Variants in TRPM6 observed in about 807,000 individuals in gnomAD.
TRPM6 encodes transient receptor potential cation channel subfamily M member 6.
TRPM6 carries 111 observed loss-of-function variants against 247.6 expected under a neutral mutation model. That is an observed-to-expected ratio of 0.45 (90% confidence interval 0.38 to 0.52). TRPM6 has a LOEUF of 0.52. TRPM6 is among the 20% of genes least tolerant of loss of function. The pLI is 0.00. For missense variants in TRPM6, 2,126 were observed against 2,421.5 expected, an observed-to-expected ratio of 0.88 and a Z score of 2.56; for synonymous variants, 892 against 853.8, an observed-to-expected ratio of 1.04 and a Z score of -0.78.
At chr9:74,744,422 C>T (rs757598694) in intron 31 of TRPM6, among the ~76,000 whole-genome samples, 41 of 152,122 alleles carry the variant, frequency 2.7e-4, no homozygotes, top group South Asian at 6.2e-4. Context: ...GAATCAATTA[C>T]ACCTCTGGGT....
intron 24 of TRPM6, 75 bp downstream of exon 24, chr9:74,775,808 A>G (rs762955192): frequency 1.0e-4 from 147 of 1,476,426 alleles, no homozygotes; most frequent in Non-Finnish European, 1.3e-4. Context: ...AACTTAATTT[A>G]TAATACTCCA....
At chr9:74,732,617 T>C in intron 37 of TRPM6, 68 bp downstream of exon 37, 1 of 1,257,964 alleles carries the variant, frequency 7.9e-7, no homozygotes, top group Non-Finnish European at 1.1e-6. Context: ...TGTTTGTAAA[T>C]TATTTTTAAA....
intron 32 of TRPM6, 39 bp downstream of exon 32, chr9:74,744,056 T>G (rs775951126): frequency 3.6e-5 from 57 of 1,592,914 alleles, no homozygotes; most frequent in Non-Finnish European, 4.9e-5. Context: ...GCACAGACAT[T>G]TAGCTCAGCT....
intron 1 of TRPM6, among the ~76,000 whole-genome samples, chr9:74,874,017 C>T (rs1249915501): frequency 6.6e-6 from 1 of 152,018 alleles, no homozygotes; most frequent in Non-Finnish European, 1.5e-5. Flanking sequence ...AGGCAGATCA[C>T]CTGAGGTCAG....
chr9:74,764,007 G>T (rs1587481286), intron 25 of TRPM6, among the ~76,000 whole-genome samples: 1 of 151,966 alleles, frequency 6.6e-6, no homozygotes, highest in East Asian at 1.9e-4. Flanking sequence ...AAAATTAGCT[G>T]GGCATGGTGG....
At chr9:74,887,139 G>A (rs1831556691) in intron 1 of TRPM6, 4 of 754,054 alleles carry the variant, frequency 5.3e-6, no homozygotes, top group African/African-American at 3.6e-5. Flanking sequence ...TATGCCAGCG[G>A]TGGAGAGGAG....
intron 3 of TRPM6, 24 bp from the exon 4 acceptor site, chr9:74,842,367 A>G: frequency 6.2e-7 from 1 of 1,613,310 alleles, no homozygotes; most frequent in Non-Finnish European, 8.5e-7. Flanking sequence ...CCAAAAAAAA[A>G]CTCAACTTCA....
chr9:74,724,575 G>A lies in TRPM6; in HGVS notation c.*38C>T, dbSNP rs1362264717. ...CTATGTTATCACAGAGTTCCTGGCA[G>A]GCAGGGCAAGCACTGGGATCTTCTT... On this transcript the variant is annotated 3_prime_UTR_variant, in exon 39 of 39. Coordinates refer to ENST00000360774, the MANE Select transcript of TRPM6 (RefSeq NM_017662.5). The A allele has an allele frequency of 6.2e-7, 1 of 1,613,702 alleles. No homozygotes were observed. Among genetic ancestry groups the A allele is most frequent in the African/African-American group, 1.3e-5 (1 of 74,934 alleles).
At chr9:74,851,104 CT>C (rs35374500) in intron 3 of TRPM6, among the ~76,000 whole-genome samples, 44,398 of 151,560 alleles carry the variant, frequency 0.29, 7,667 homozygotes, top group East Asian at 0.5. Flanking sequence ...ACATTTTATT[CT>C]TTTTTTTTCT....
At chr9:74,804,759 A>T in intron 14 of TRPM6, 1 of 764,718 alleles carries the variant, frequency 1.3e-6, no homozygotes, top group Non-Finnish European at 2.3e-6. Flanking sequence ...AGAAGCAACC[A>T]CTGAATGGTC....
chr9:74,804,691 C>G (rs1828471530), intron 14 of TRPM6: 2 of 801,846 alleles, frequency 2.5e-6, no homozygotes, highest in South Asian at 1.3e-5. Flanking sequence ...GACTGGAGCT[C>G]TCAGCCTGCC....
chr9:74,779,003 G>T (rs1827324071), intron 23 of TRPM6, among the ~76,000 whole-genome samples: 1 of 152,136 alleles, frequency 6.6e-6, no homozygotes, highest in South Asian at 2.1e-4. Context: ...CTAAGATGCG[G>T]GGTGTGAGCC....
At chr9:74,819,090 T>C in intron 9 of TRPM6, among the ~76,000 whole-genome samples, 1 of 152,062 alleles carries the variant, frequency 6.6e-6, no homozygotes, top group East Asian at 1.9e-4. Flanking sequence ...GGCAGATCGC[T>C]TGAGGCCAGG....
At chr9:74,796,387 T>G (rs954780926) in intron 18 of TRPM6, among the ~76,000 whole-genome samples, 2 of 152,184 alleles carry the variant, frequency 1.3e-5, no homozygotes, top group Non-Finnish European at 2.9e-5. Context: ...TGGCCACAAA[T>G]GAGTCATTGA....
At chr9:74,740,470 G>A (rs549109705) in intron 33 of TRPM6, among the ~76,000 whole-genome samples, 40 of 152,286 alleles carry the variant, frequency 2.6e-4, no homozygotes, top group African/African-American at 9.6e-4. Flanking sequence ...AGGACCAGAA[G>A]TGTTTCAAAT....
rs1283495215 is a variant in TRPM6, at chr9:74,792,689, G to A, written c.2473C>T (p.Leu825Phe). ...HFGLESGHQH[L>F]PWTRKVYEFY... ...TCATAGACTTTCCTGGTCCACGGAA[G>A]GTGTTGGTGCCCACTTTCCAAACCA... is the stretch of plus-strand genomic sequence containing the variant. The change falls in exon 19 of 39, where the codon CTT becomes TTT. Residue 825 changes from leucine (L) to phenylalanine (F), a missense_variant. Leu to Phe is a conservative substitution (Grantham distance 22). This residue lies in a region of TRPM6 where 1,082 missense variants were observed against 1,307.9 expected (regional missense o/e 0.83). Transcript: ENST00000360774. 6.2e-7 allele frequency: 1 copy of A among 1,613,944 alleles called. No individual in the cohort carries two copies. The highest frequency in any genetic ancestry group is 8.5e-7 in the Non-Finnish European group (1 of 1,179,856).
intron 21 of TRPM6, 118 bp downstream of exon 21, chr9:74,785,756 C>T (rs1157983953): frequency 2.7e-6 from 3 of 1,123,164 alleles, no homozygotes; most frequent in Admixed American, 1.7e-5. Context: ...ATCTCCTGAC[C>T]TTGTGATCCG....
chr9:74,737,299 T>G, intron 36 of TRPM6: 1 of 1,146,628 alleles, frequency 8.7e-7, no homozygotes, highest in Non-Finnish European at 1.1e-6. Flanking sequence ...TAAAAATTTG[T>G]GTCACATCCT....
At chr9:74,820,273 G>A (rs1026292876) in intron 9 of TRPM6, 31 bp downstream of exon 9, 5 of 1,606,896 alleles carry the variant, frequency 3.1e-6, no homozygotes, top group African/African-American at 1.3e-5. Flanking sequence ...CAGTTCTTAA[G>A]TCAGTTGAAT....
Sources: allele counts gnomAD v4.1 joint callset (sites outside exome capture counted in the v4.1 genomes callset), GRCh38; gene constraint gnomAD v4.1.1; regional missense constraint gnomAD v4.1.1; transcripts MANE v1.5; gene names NCBI Gene and HGNC (gene_info 2026-07-23, HGNC 2026-07-21).